POU2F1: variants seen among roughly 807,000 people sequenced by gnomAD.
POU2F1 encodes the protein POU class 2 homeobox 1.
POU2F1 carries 16 observed loss-of-function variants against 84.9 expected under a neutral mutation model. That is an observed-to-expected ratio of 0.19 (90% CI 0.13 to 0.29). POU2F1 has a LOEUF of 0.29. Among genes scored for constraint, POU2F1 ranks in the 10% least tolerant of loss-of-function variants. The pLI is 1.00. For missense variants in POU2F1, 738 were observed against 942.6 expected, an observed-to-expected ratio of 0.78 and a Z score of 2.84; for synonymous variants, 368 against 368.3, an observed-to-expected ratio of 1.00 and a Z score of 0.01.
chr1:167,352,202 A>C (rs781422976), intron 2 of POU2F1, among the ~76,000 whole-genome samples: 9 of 152,236 alleles, frequency 5.9e-5, no homozygotes, highest in Admixed American at 4.6e-4. Flanking sequence ...CACTATTAAC[A>C]TTTTGATGCA....
At chr1:167,335,677 A>G (rs1657400038) in intron 2 of POU2F1, among the ~76,000 whole-genome samples, 1 of 152,228 alleles carries the variant, frequency 6.6e-6, no homozygotes, top group Non-Finnish European at 1.5e-5. Flanking sequence ...GGATAATAGT[A>G]ATAATAATGG....
intron 1 of POU2F1, chr1:167,329,305 A>C (rs867992035): frequency 6.5e-7 from 1 of 1,548,912 alleles, no homozygotes; most frequent in Middle Eastern, 1.7e-4. Context: ...ACTATGTTCT[A>C]GGTGGGTACC....
intron 1 of POU2F1, among the ~76,000 whole-genome samples, chr1:167,233,802 C>G (rs899490236): frequency 6.6e-6 from 1 of 152,170 alleles, no homozygotes. Flanking sequence ...GATCTTTGTA[C>G]TTTTTAGTGA....
chr1:167,344,389 A>G (rs1658055923), intron 2 of POU2F1, among the ~76,000 whole-genome samples: 1 of 152,144 alleles, frequency 6.6e-6, no homozygotes, highest in Non-Finnish European at 1.5e-5. Context: ...TAAAGATTTT[A>G]GTTAAGTGGT....
intron 1 of POU2F1, among the ~76,000 whole-genome samples, chr1:167,278,496 T>C (rs1417646140): frequency 6.6e-6 from 1 of 152,206 alleles, no homozygotes; most frequent in African/African-American, 2.4e-5. Context: ...TTGTCATTTG[T>C]CCATAAATTT....
chr1:167,409,266 G>GT (rs1649796011), intron 13 of POU2F1, among the ~76,000 whole-genome samples: 1 of 151,996 alleles, frequency 6.6e-6, no homozygotes, highest in African/African-American at 2.4e-5. Flanking sequence ...CAGTTTATAA[G>GT]TTGTATCTCA....
intron 1 of POU2F1, among the ~76,000 whole-genome samples, chr1:167,267,388 A>G (rs188827659): frequency 5.5e-4 from 75 of 137,498 alleles, no homozygotes; most frequent in African/African-American, 2.1e-3. Context: ...AATGTTTTAC[A>G]ATCAGGAAAA....
At chr1:167,296,347 A>G (rs1654290226) in intron 1 of POU2F1, among the ~76,000 whole-genome samples, 1 of 152,190 alleles carries the variant, frequency 6.6e-6, no homozygotes, top group Admixed American at 6.5e-5. Flanking sequence ...TAATATCAAT[A>G]TTGTAATTCC....
chr1:167,420,821 A>T lies in POU2F1; in HGVS notation c.*5011A>T, dbSNP rs370938032. ...GGGGGCCTTCTGAAGACCAGTCTGC[A>T]GTTTGAGGAAGGGCCCCAACAATTC... is the stretch of plus-strand genomic sequence containing the variant. On this transcript the variant is annotated 3_prime_UTR_variant, in exon 16 of 16. Transcript: ENST00000367866. 1.8e-4 allele frequency: 28 copies of T among 152,204 alleles called. No homozygotes were observed. Among genetic ancestry groups the T allele is most frequent in the African/African-American group, 6.0e-4 (25 of 41,454 alleles). The allele number at this position is 152,204 out of a possible 1,614,324, so 9.4% of individuals were successfully genotyped here.
chr1:167,258,689 A>C (rs1289440740), intron 1 of POU2F1, among the ~76,000 whole-genome samples: 1 of 152,234 alleles, frequency 6.6e-6, no homozygotes, highest in Non-Finnish European at 1.5e-5. Flanking sequence ...AAAATCATGG[A>C]TACTATGTAG....
intron 13 of POU2F1, among the ~76,000 whole-genome samples, chr1:167,404,706 A>G (rs1168817282): frequency 6.6e-6 from 1 of 152,164 alleles, no homozygotes; most frequent in Non-Finnish European, 1.5e-5. Flanking sequence ...CTACCTCAGT[A>G]TCTGACAAAT....
chr1:167,355,085 T>G (rs190810314), intron 2 of POU2F1, among the ~76,000 whole-genome samples: 57 of 152,246 alleles, frequency 3.7e-4, no homozygotes, highest in African/African-American at 1.3e-3. Context: ...GTTAGAATGA[T>G]ATTCTTTTAT....
chr1:167,333,011 T>C (rs1657175730), intron 2 of POU2F1, among the ~76,000 whole-genome samples: 2 of 152,212 alleles, frequency 1.3e-5, no homozygotes, highest in Non-Finnish European at 2.9e-5. Flanking sequence ...TTACAGATGT[T>C]AATCAAAATA....
chr1:167,305,191 A>ATT (rs112884443), intron 1 of POU2F1, among the ~76,000 whole-genome samples: 2 of 142,726 alleles, frequency 1.4e-5, no homozygotes, highest in Non-Finnish European at 1.5e-5. Context: ...AATGTAGGCA[A>ATT]TTTTTTTTTT....
chr1:167,252,014 TTG>T (rs1324783812), intron 1 of POU2F1, among the ~76,000 whole-genome samples: 1 of 129,722 alleles, frequency 7.7e-6, no homozygotes, highest in Admixed American at 7.4e-5. Context: ...TTGGCTAATT[TTG>T]TATATATATA....
chr1:167,351,519 C>CAAAAAAAAAAAAAAA (rs34170498), intron 2 of POU2F1, among the ~76,000 whole-genome samples: 4 of 45,994 alleles, frequency 8.7e-5, no homozygotes, highest in Admixed American at 2.8e-4. Flanking sequence ...AGCACCATCT[C>CAAAAAAAAAAAAAAA]AAAAAAAAAA....
At position 167,399,777 on chromosome 1, in the gene POU2F1, G is replaced by A. The variant is rs959760926; in HGVS notation, c.1449+412G>A. Among the ~76,000 whole-genome samples the A allele has an allele frequency of 2.0e-5, 3 of 151,700 alleles. No homozygotes were observed. In the South Asian group the frequency reaches 6.3e-4, roughly 32 times the overall value. ...CAACCTCCGCCTCCTGGGTTCAAGC[G>A]ATTCTTGTGCCTTGGCCTCCCGAGT... On this transcript the variant is annotated intron_variant, in intron 12 of 15. Transcript: ENST00000367866.
At chr1:167,332,711 C>G (rs754171533) in intron 2 of POU2F1, among the ~76,000 whole-genome samples, 176 bp downstream of exon 2, 4 of 152,160 alleles carry the variant, frequency 2.6e-5, no homozygotes, top group Non-Finnish European at 5.9e-5. Context: ...GATTACTTAA[C>G]TTTCTTCTGC....
Position 167,416,177 on chromosome 1 carries a change from CAAGTT to C in POU2F1, c.*371_*375del, listed in dbSNP as rs1193081435. On this transcript the variant is annotated 3_prime_UTR_variant, in exon 16 of 16. Transcript: ENST00000367866. Reference sequence around the variant, plus strand: ...TTATCATTTCCAGCAGTCATGATGACAAGTTAAGGTGGGTTACCAATTCCAATATA... The same window carrying C: ...TTATCATTTCCAGCAGTCATGATGACAAGGTGGGTTACCAATTCCAATATA... 4 of 350,998 alleles carry C rather than the reference CAAGTT, an allele frequency of 1.1e-5. No homozygotes were observed. The highest frequency in any genetic ancestry group is 7.5e-5 in the South Asian group (3 of 39,828). 21.7% of individuals were successfully genotyped at this position (350,998 alleles called of 1,614,324 possible). A position where few individuals can be genotyped will look rare whatever the true frequency, so the allele number is the denominator to read the frequency against.
Sources: gnomAD v4.1 joint callset for allele counts (sites outside exome capture counted in the v4.1 genomes callset) on GRCh38, gnomAD v4.1.1 for gene constraint, MANE v1.5 for transcripts, NCBI Gene and HGNC (gene_info 2026-07-23, HGNC 2026-07-21) for gene names.